The following WASF2 variants were observed in gnomAD, a reference collection of about 807,000 sequenced individuals.
WASF2 encodes WASP family member 2.
A neutral mutation model predicts 45.0 loss-of-function variants in WASF2; 14 were observed. That is an observed-to-expected ratio of 0.31 (90% CI 0.21 to 0.49). WASF2 has a LOEUF of 0.49. WASF2 is among the 20% of genes least tolerant of loss of function. WASF2 has a pLI of 0.99. For missense variants in WASF2, 439 were observed against 636.1 expected (o/e 0.69, Z 3.33); for synonymous variants, 200 against 236.3 (o/e 0.85, Z 1.41).
At chr1:27,443,477 G>C (rs890286743) in intron 1 of WASF2, among the ~76,000 whole-genome samples, 2 of 151,998 alleles carry the variant, frequency 1.3e-5, no homozygotes, top group Non-Finnish European at 2.9e-5. Context: ...GCTGGGCGTG[G>C]TGGCAGGCAC....
intron 1 of WASF2, among the ~76,000 whole-genome samples, chr1:27,471,301 C>T (rs1325954171): frequency 6.8e-6 from 1 of 147,198 alleles, no homozygotes; most frequent in Non-Finnish European, 1.5e-5. Context: ...GCCGAGATCC[C>T]GCCACTGCAC....
chr1:27,450,649 C>T (rs553820662), intron 1 of WASF2, among the ~76,000 whole-genome samples: 122 of 152,176 alleles, frequency 8.0e-4, no homozygotes, highest in South Asian at 1.2e-3. Flanking sequence ...TACAGGCACG[C>T]GCCCCACGCC....
intron 1 of WASF2, among the ~76,000 whole-genome samples, chr1:27,465,446 T>C (rs938270580): frequency 6.6e-6 from 1 of 152,220 alleles, no homozygotes; most frequent in African/African-American, 2.4e-5. Flanking sequence ...TTTCAATTAC[T>C]GTATGAACTC....
chr1:27,409,924 TGGA>T lies in WASF2; in HGVS notation c.1104_1106del (p.Pro371del), dbSNP rs1220429900. The T allele has an allele frequency of 8.8e-6, 14 of 1,591,828 alleles. No individual in the cohort carries two copies. Among genetic ancestry groups the T allele is most frequent in the Non-Finnish European group, 1.2e-5 (14 of 1,168,372 alleles). On this transcript the variant is annotated inframe_deletion, in exon 8 of 9. Transcript: ENST00000618852. ...GAGTTGGGTAGTCAGCTGCTGGTGG[TGGA>T]GGAGGAGGTGGAGGGGCAGCAAAAT...
chr1:27,413,302 G>A (rs992967204), intron 6 of WASF2, among the ~76,000 whole-genome samples: 11 of 152,188 alleles, frequency 7.2e-5, no homozygotes, highest in African/African-American at 2.4e-4. Context: ...TTAAAGTAGC[G>A]TGCTAGGGCT....
intron 3 of WASF2, 90 bp downstream of exon 3, chr1:27,418,864 C>T: frequency 7.4e-7 from 1 of 1,355,330 alleles, no homozygotes; most frequent in South Asian, 1.4e-5. Flanking sequence ...TTTCTCTCCT[C>T]ACGTTTTTTT....
chr1:27,467,687 C>T (rs892322129), intron 1 of WASF2, among the ~76,000 whole-genome samples: 2 of 151,076 alleles, frequency 1.3e-5, no homozygotes, highest in African/African-American at 4.9e-5. Context: ...CCGAGGTGGG[C>T]GGATCACGAG....
In WASF2 at chr1:27,445,045, T is replaced by C. The variant is rs2017293709; in HGVS notation, c.-43-16112A>G. Among the ~76,000 whole-genome samples the C allele has an allele frequency of 2.0e-5, 3 of 152,198 alleles. No individual in the cohort carries two copies. In the South Asian group the frequency reaches 6.2e-4, roughly 31 times the overall value. ...CAGATTTTTGGTGTATACAACTCTTTGAGTACAGGAATTGAAAAACAAAAT... is the reference window on the plus strand; with the variant it reads ...CAGATTTTTGGTGTATACAACTCTTCGAGTACAGGAATTGAAAAACAAAAT... On this transcript the variant is annotated intron_variant, in intron 1 of 8. Transcript: ENST00000618852.
chr1:27,443,291 G>GC (rs1476858403), intron 1 of WASF2, among the ~76,000 whole-genome samples: 4 of 124,868 alleles, frequency 3.2e-5, no homozygotes, highest in Non-Finnish European at 6.3e-5. Context: ...GGCAACAAGA[G>GC]CAAGACACCG....
At chr1:27,412,879 A>G in intron 6 of WASF2, 152 bp from the exon 7 acceptor site, 2 of 852,222 alleles carry the variant, frequency 2.3e-6, no homozygotes, top group Non-Finnish European at 3.7e-6. Context: ...TTACACTGAA[A>G]TTTTATTTTA....
rs139424562 is a variant in WASF2 at position 27,419,029 on chromosome 1, G to A, written c.190C>T (p.Arg64Trp). Residue 64 changes from arginine (R) to tryptophan (W), a missense_variant, in exon 3 of 9, where the codon CGG becomes TGG. This residue lies in a region of WASF2 where 98 missense variants were observed against 120.7 expected (regional missense o/e 0.81). Transcript: ENST00000618852. ...LFTQANTFASRVSSLAERVDR... is the reference protein window; with the variant it reads ...LFTQANTFASWVSSLAERVDR... ...ACCCTCTCAGCAAGGGAGCTTACCC[G>A]AGAGGCAAAGGTATTTGCCTGAGTA... The A allele has an allele frequency of 2.5e-5, 40 of 1,614,074 alleles. No homozygotes were observed. The highest frequency in any genetic ancestry group is 2.4e-4 in the African/African-American group (18 of 75,002).
intron 2 of WASF2, among the ~76,000 whole-genome samples, chr1:27,424,420 T>C (rs1424556089): frequency 1.3e-5 from 2 of 152,220 alleles, no homozygotes; most frequent in Non-Finnish European, 1.5e-5. Flanking sequence ...GTGGGAAATA[T>C]ATAGGCGTGA....
rs538642858 is a variant in WASF2 at position 27,472,016 on chromosome 1, A to G, written c.-44+17970T>C. On this transcript the variant is annotated intron_variant, in intron 1 of 8. Transcript: ENST00000618852. Reference sequence around the variant, plus strand: ...CCCCCAAATAATCCACTCTCTTTGTAGCAACTGGATTAATCTTTTAAAAAT... The same window carrying G: ...CCCCCAAATAATCCACTCTCTTTGTGGCAACTGGATTAATCTTTTAAAAAT... Among the ~76,000 whole-genome samples, 4 of 152,274 alleles carry G rather than the reference A, an allele frequency of 2.6e-5. 1 individual carries two copies. In the South Asian group the frequency reaches 8.3e-4, roughly 32 times the overall value.
At chr1:27,446,493 G>T (rs1187995336) in intron 1 of WASF2, among the ~76,000 whole-genome samples, 1 of 152,104 alleles carries the variant, frequency 6.6e-6, no homozygotes, top group Non-Finnish European at 1.5e-5. Context: ...ACAACTCCAA[G>T]ACAAAATTTG....
At chr1:27,439,359 A>G (rs2017178509) in intron 1 of WASF2, among the ~76,000 whole-genome samples, 1 of 152,258 alleles carries the variant, frequency 6.6e-6, no homozygotes, top group Non-Finnish European at 1.5e-5. Context: ...GTAGCAGTAG[A>G]ATGATTGACA....
At chr1:27,452,219 A>T (rs1040896347) in intron 1 of WASF2, among the ~76,000 whole-genome samples, 2 of 152,268 alleles carry the variant, frequency 1.3e-5, no homozygotes, top group African/African-American at 4.8e-5. Flanking sequence ...TTTTAAAAAA[A>T]TAGGCCAGAC....
At chr1:27,426,194 A>G (rs979674549) in intron 2 of WASF2, among the ~76,000 whole-genome samples, 1 of 152,242 alleles carries the variant, frequency 6.6e-6, no homozygotes, top group Non-Finnish European at 1.5e-5. Flanking sequence ...CTATAAAAAC[A>G]CTTGTTACAT....
chr1:27,415,214 G>C (rs543170013), intron 5 of WASF2, among the ~76,000 whole-genome samples: 1 of 152,098 alleles, frequency 6.6e-6, no homozygotes, highest in African/African-American at 2.4e-5. Flanking sequence ...TTCCTCTTTG[G>C]ATAACTCATT....
At chr1:27,420,514 C>T (rs1223953377) in intron 2 of WASF2, among the ~76,000 whole-genome samples, 16 of 82,474 alleles carry the variant, frequency 1.9e-4, no homozygotes, top group Admixed American at 6.0e-4. Context: ...ACCATCTGAG[C>T]TTTTTTTTTT....
Sources: gnomAD v4.1 joint callset for allele counts (sites outside exome capture counted in the v4.1 genomes callset) on GRCh38, gnomAD v4.1.1 for gene constraint, gnomAD v4.1.1 regional missense constraint, MANE v1.5 for transcripts, NCBI Gene and HGNC (gene_info 2026-07-23, HGNC 2026-07-21) for gene names.